Variants in PRELID2 observed in about 807,000 individuals in gnomAD.
PRELID2 encodes PRELI domain-containing protein 2.
A neutral mutation model predicts 28.4 loss-of-function variants in PRELID2; 25 were observed. The observed-to-expected ratio is 0.88, with a 90% CI of 0.64 to 1.23. PRELID2 has a LOEUF of 1.23. Among genes scored for constraint, PRELID2 ranks in the 50% most tolerant of loss-of-function variants. The probability of loss-of-function intolerance (pLI) is 0.00; values close to 1 mark genes in which losing one functional copy is unlikely to be tolerated. For synonymous variants in PRELID2, 76 were observed against 71.6 expected, an observed-to-expected ratio of 1.06 and a Z score of -0.31; for missense variants, 201 against 214.4, an observed-to-expected ratio of 0.94 and a Z score of 0.39.
the PRELID2 span, among the ~76,000 whole-genome samples, chr5:145,412,243 G>T: frequency 6.6e-6 from 1 of 152,142 alleles, no homozygotes; most frequent in African/African-American, 2.4e-5. Context: ...TAACCAGGCT[G>T]CAATTTTTCC....
At chr5:145,813,633 G>A (rs1378493341) in intron 4 of PRELID2, among the ~76,000 whole-genome samples, 1 of 152,102 alleles carries the variant, frequency 6.6e-6, no homozygotes, top group Non-Finnish European at 1.5e-5. Flanking sequence ...ATCACCTTGG[G>A]CAAGTTATTT....
At chr5:145,268,356 G>A in the PRELID2 span, among the ~76,000 whole-genome samples, 1 of 151,998 alleles carries the variant, frequency 6.6e-6, no homozygotes, top group African/African-American at 2.4e-5. Context: ...TCTTCTTCAT[G>A]TGGATATCTA....
chr5:145,703,862 C>T (rs139677661), intron 1 of PRELID2: 85 of 152,286 alleles, frequency 5.6e-4, no homozygotes, highest in African/African-American at 1.8e-3. Flanking sequence ...TTCACAGCTA[C>T]GTTTTACAAA....
At chr5:145,363,287 A>T in the PRELID2 span, among the ~76,000 whole-genome samples, 1 of 152,050 alleles carries the variant, frequency 6.6e-6, no homozygotes, top group South Asian at 2.1e-4. Flanking sequence ...ACAACTCTTA[A>T]GGGCCCCAAA....
chr5:145,596,301 T>G (rs1385864746), intron 1 of PRELID2, among the ~76,000 whole-genome samples: 2 of 152,066 alleles, frequency 1.3e-5, no homozygotes. Flanking sequence ...GGGAGGTTAT[T>G]AGTGTACAAA....
At chr5:145,508,509 T>G (rs76924561) in intron 1 of PRELID2, among the ~76,000 whole-genome samples, 6,240 of 152,036 alleles carry the variant, frequency 0.041, 512 homozygotes, top group East Asian at 0.4. Flanking sequence ...CCCCATTTAA[T>G]GGGATGGTGA....
At chr5:145,662,618 A>C (rs62392297) in intron 1 of PRELID2, among the ~76,000 whole-genome samples, 4,814 of 152,210 alleles carry the variant, frequency 0.032, 145 homozygotes, top group African/African-American at 0.076. Context: ...GGATTAATTC[A>C]CTTATGGATT....
the PRELID2 span, among the ~76,000 whole-genome samples, chr5:145,323,104 G>C: frequency 6.6e-6 from 1 of 152,124 alleles, no homozygotes; most frequent in Non-Finnish European, 1.5e-5. Context: ...CTTTAGATTG[G>C]TTCCCAGGGA....
chr5:145,741,389 T>A (rs1471547189), intron 1 of PRELID2, among the ~76,000 whole-genome samples: 2 of 106,268 alleles, frequency 1.9e-5, no homozygotes, highest in Non-Finnish European at 3.3e-5. Context: ...ATTTATAAAT[T>A]ATTTATATAT....
chr5:145,586,931 A>G (rs2149628336), intron 1 of PRELID2, among the ~76,000 whole-genome samples: 2 of 152,270 alleles, frequency 1.3e-5, no homozygotes, highest in East Asian at 3.9e-4. Context: ...GAAAGGAAAT[A>G]TGACAAAGAA....
chr5:145,618,923 G>A (rs62394219), intron 1 of PRELID2, among the ~76,000 whole-genome samples: 17,671 of 151,966 alleles, frequency 0.12, 1,377 homozygotes, highest in Admixed American at 0.21. Flanking sequence ...GAGGATTACG[G>A]CCACCTCTGC....
chr5:145,434,698 G>C, the PRELID2 span, among the ~76,000 whole-genome samples: 7 of 152,280 alleles, frequency 4.6e-5, no homozygotes, highest in East Asian at 1.4e-3. Context: ...TGGTCAACCT[G>C]GCATCTCTAT....
At chr5:145,742,056 T>G (rs1308496698) in intron 1 of PRELID2, among the ~76,000 whole-genome samples, 1 of 109,608 alleles carries the variant, frequency 9.1e-6, no homozygotes, top group Admixed American at 1.2e-4. Flanking sequence ...TAAATTTTAT[T>G]AATTTATTTA....
intron 1 of PRELID2, among the ~76,000 whole-genome samples, chr5:145,649,071 A>G (rs1369766059): frequency 2.0e-5 from 3 of 152,140 alleles, no homozygotes; most frequent in Non-Finnish European, 4.4e-5. Context: ...TCAATCACAG[A>G]TCAAAAATAT....
intron 1 of PRELID2, among the ~76,000 whole-genome samples, chr5:145,671,436 C>T (rs534939455): frequency 6.6e-6 from 1 of 152,138 alleles, no homozygotes; most frequent in Non-Finnish European, 1.5e-5. Flanking sequence ...AATTAACTCA[C>T]CCCCTTCTGC....
At chr5:145,348,977 T>C in the PRELID2 span, among the ~76,000 whole-genome samples, 1 of 152,136 alleles carries the variant, frequency 6.6e-6, no homozygotes, top group Non-Finnish European at 1.5e-5. Context: ...AGGGTTAGGT[T>C]TTTTGTCATA....
intron 5 of PRELID2, among the ~76,000 whole-genome samples, chr5:145,788,430 T>C (rs1243772214): frequency 2.0e-5 from 3 of 152,190 alleles, no homozygotes; most frequent in Non-Finnish European, 2.9e-5. Flanking sequence ...AGAGAGACTA[T>C]GGCACGGTCA....
intron 1 of PRELID2, among the ~76,000 whole-genome samples, chr5:145,711,229 T>C (rs1334724746): frequency 6.6e-6 from 1 of 152,174 alleles, no homozygotes; most frequent in Non-Finnish European, 1.5e-5. Flanking sequence ...TAGGAGGTCA[T>C]AGAAGAGTGT....
the PRELID2 span, among the ~76,000 whole-genome samples, chr5:145,357,185 T>C: frequency 6.6e-6 from 1 of 152,172 alleles, no homozygotes; most frequent in Non-Finnish European, 1.5e-5. Context: ...TTTTCCATTT[T>C]GACCTTGAAG....
Sources: gnomAD v4.1 joint callset for allele counts (sites outside exome capture counted in the v4.1 genomes callset) on GRCh38, gnomAD v4.1.1 for gene constraint, MANE v1.5 for transcripts, NCBI Gene and HGNC (gene_info 2026-07-23, HGNC 2026-07-21) for gene names.